ZNF385D: variants seen among roughly 807,000 people sequenced by gnomAD.
ZNF385D encodes zinc finger protein 659.
A neutral mutation model predicts 35.8 loss-of-function variants in ZNF385D; 15 were observed. The ratio of observed to expected loss-of-function variants is 0.42; its 90% confidence interval spans 0.28 to 0.64. The LOEUF is 0.64. ZNF385D is among the 30% of genes least tolerant of loss of function. The pLI, the probability that ZNF385D is intolerant of heterozygous loss-of-function variation, is 0.23. For missense variants in ZNF385D, 474 were observed against 494.6 expected (o/e 0.96, Z 0.39); for synonymous variants, 212 against 186.8 (o/e 1.13, Z -1.10).
chr3:22,219,819 T>G (rs1484545807), intron 2 of ZNF385D, among the ~76,000 whole-genome samples: 1 of 152,172 alleles, frequency 6.6e-6, no homozygotes, highest in Non-Finnish European at 1.5e-5. Context: ...TAAGTGAGTT[T>G]GGGTAACTGG....
At chr3:21,660,719 C>T (rs1454433131) in intron 2 of ZNF385D, among the ~76,000 whole-genome samples, 2 of 152,330 alleles carry the variant, frequency 1.3e-5, no homozygotes, top group African/African-American at 4.8e-5. Context: ...AGCCATTCTC[C>T]TTCGATCTCT....
intron 2 of ZNF385D, among the ~76,000 whole-genome samples, chr3:21,578,172 T>G (rs1401299581): frequency 3.9e-5 from 6 of 152,142 alleles, no homozygotes; most frequent in Non-Finnish European, 5.9e-5. Flanking sequence ...TTTTTTTAAT[T>G]GGATTAATTT....
chr3:21,608,232 A>G (rs1043430230), intron 2 of ZNF385D, among the ~76,000 whole-genome samples: 2 of 151,754 alleles, frequency 1.3e-5, no homozygotes, highest in African/African-American at 4.8e-5. Flanking sequence ...GATGGTCTCA[A>G]TCTCCTGACC....
At chr3:21,674,412 A>G (rs1023217420) in intron 1 of ZNF385D, among the ~76,000 whole-genome samples, 4 of 152,262 alleles carry the variant, frequency 2.6e-5, no homozygotes, top group South Asian at 2.1e-4. Flanking sequence ...CCTGATAGGC[A>G]TAGAAAGGAA....
intron 3 of ZNF385D, among the ~76,000 whole-genome samples, chr3:21,918,219 T>C (rs1331783963): frequency 2.0e-5 from 3 of 152,172 alleles, no homozygotes; most frequent in Non-Finnish European, 4.4e-5. Context: ...GCGTGCTATA[T>C]GGTCTATGCT....
chr3:22,269,737 G>A (rs955023918), intron 2 of ZNF385D, among the ~76,000 whole-genome samples: 3 of 151,768 alleles, frequency 2.0e-5, no homozygotes, highest in Non-Finnish European at 4.4e-5. Context: ...GGTAGGTAAA[G>A]AACAGTTAAT....
intron 2 of ZNF385D, among the ~76,000 whole-genome samples, chr3:22,253,936 C>A (rs577791602): frequency 6.6e-6 from 1 of 152,048 alleles, no homozygotes; most frequent in Admixed American, 6.6e-5. Flanking sequence ...ACATTAAATT[C>A]ATCCTCATCC....
rs534643228 is a variant in ZNF385D at position 21,918,839 on chromosome 3, C to T, written c.325+249978G>A. 4.6e-5 allele frequency among the ~76,000 whole-genome samples: 7 copies of T among 152,198 alleles called. No homozygotes were observed. The South Asian group carries it at 8.3e-4, about 18-fold the overall frequency. ...TCAGAATGAAATGACTTCTTGACAG[C>T]GAGATCTCGTGATTTTAATCAATGT... On this transcript the variant is annotated intron_variant, in intron 3 of 5. Transcript: ENST00000494108.
At chr3:21,443,612 C>A (rs1434956999) in intron 4 of ZNF385D, among the ~76,000 whole-genome samples, 1 of 152,102 alleles carries the variant, frequency 6.6e-6, no homozygotes, top group Non-Finnish European at 1.5e-5. Context: ...AAATGAATTG[C>A]ACTTCAAACT....
intron 2 of ZNF385D, among the ~76,000 whole-genome samples, chr3:22,300,734 T>C (rs545589956): frequency 6.6e-6 from 1 of 151,904 alleles, no homozygotes. Flanking sequence ...AAAACCACAA[T>C]GAACTGTCAC....
At chr3:22,146,628 A>G (rs1289471247) in intron 3 of ZNF385D, among the ~76,000 whole-genome samples, 3 of 152,154 alleles carry the variant, frequency 2.0e-5, no homozygotes, top group African/African-American at 7.2e-5. Flanking sequence ...AAAAATAATA[A>G]CTTTTCTCTA....
intron 3 of ZNF385D, among the ~76,000 whole-genome samples, chr3:21,966,928 A>C (rs941269252): frequency 6.6e-6 from 1 of 152,220 alleles, no homozygotes; most frequent in Non-Finnish European, 1.5e-5. Flanking sequence ...CTAATTTTTT[A>C]GAATGAGTGT....
At chr3:22,120,172 C>T (rs1263589200) in intron 3 of ZNF385D, among the ~76,000 whole-genome samples, 1 of 151,636 alleles carries the variant, frequency 6.6e-6, no homozygotes, top group Admixed American at 6.6e-5. Flanking sequence ...GGTAGAGTGC[C>T]TTAGTTTACT....
intron 4 of ZNF385D, among the ~76,000 whole-genome samples, chr3:21,449,658 A>G (rs1459391325): frequency 2.6e-5 from 4 of 152,198 alleles, no homozygotes; most frequent in Non-Finnish European, 4.4e-5. Context: ...TTCTTGGTAC[A>G]TAAGATCTTA....
chr3:21,985,705 T>C (rs1489181524), intron 3 of ZNF385D, among the ~76,000 whole-genome samples: 4 of 136,470 alleles, frequency 2.9e-5, no homozygotes, highest in Admixed American at 1.4e-4. Context: ...GAGGATTCCC[T>C]CTTTTTCTAT....
At chr3:21,568,817 A>G (rs2063234309) in intron 2 of ZNF385D, among the ~76,000 whole-genome samples, 1 of 152,188 alleles carries the variant, frequency 6.6e-6, no homozygotes, top group African/African-American at 2.4e-5. Flanking sequence ...AGTAAAATGT[A>G]AAGGTTTCAA....
chr3:21,612,505 T>C (rs569058499), intron 2 of ZNF385D, among the ~76,000 whole-genome samples: 10 of 152,304 alleles, frequency 6.6e-5, no homozygotes, highest in South Asian at 2.1e-4. Context: ...AGCTAGTCAA[T>C]TGGGGAAATA....
intron 1 of ZNF385D, among the ~76,000 whole-genome samples, chr3:21,668,675 G>T (rs934588203): frequency 6.6e-6 from 1 of 152,140 alleles, no homozygotes; most frequent in Non-Finnish European, 1.5e-5. Context: ...TTTGAAATCT[G>T]GATTAGTCCT....
In ZNF385D at chr3:21,840,398, G is replaced by A. The variant is rs947777083; in HGVS notation, c.326-175370C>T. Among the ~76,000 whole-genome samples the A allele has an allele frequency of 2.3e-4, 35 of 152,126 alleles. 1 individual carries two copies. The highest frequency in any genetic ancestry group is 1.4e-3 in the Admixed American group (21 of 15,252). Reference sequence around the variant, plus strand: ...AGAGGGCTTTGTAAGGGATATAACCGTTCTTTTAAAGATAGCATGCTTCCT... The same window carrying A: ...AGAGGGCTTTGTAAGGGATATAACCATTCTTTTAAAGATAGCATGCTTCCT... On this transcript the variant is annotated intron_variant, in intron 3 of 5. Coordinates refer to the ZNF385D transcript ENST00000494108.
Sources: gnomAD v4.1 joint callset for allele counts (sites outside exome capture counted in the v4.1 genomes callset) on GRCh38, gnomAD v4.1.1 for gene constraint, MANE v1.5 for transcripts, NCBI Gene and HGNC (gene_info 2026-07-23, HGNC 2026-07-21) for gene names.